FBXL17: variants seen among roughly 807,000 people sequenced by gnomAD.
FBXL17 encodes F-box and leucine rich repeat protein 17, also known as F-box/LRR-repeat protein 17.
In FBXL17, 22 loss-of-function variants were observed where a neutral mutation model predicts 66.2. The ratio of observed to expected loss-of-function variants is 0.33; its 90% confidence interval spans 0.24 to 0.47. The LOEUF is 0.47. Ranked by LOEUF, FBXL17 falls within the 20% of genes least tolerant of loss-of-function variation. The pLI, the probability that FBXL17 is intolerant of heterozygous loss-of-function variation, is 1.00. For missense variants in FBXL17, 878 were observed against 948.2 expected (o/e 0.93, Z 0.97); for synonymous variants, 474 against 400.5 (o/e 1.18, Z -2.19).
intron 6 of FBXL17, among the ~76,000 whole-genome samples, chr5:108,109,356 A>C (rs1369597262): frequency 6.6e-6 from 1 of 152,168 alleles, no homozygotes; most frequent in Non-Finnish European, 1.5e-5. Context: ...CAAGAAAGGA[A>C]CATCCTCATG....
chr5:108,244,452 TA>T (rs1290046287), intron 4 of FBXL17, among the ~76,000 whole-genome samples: 1 of 152,170 alleles, frequency 6.6e-6, no homozygotes, highest in Non-Finnish European at 1.5e-5. Context: ...GAAAATGAGA[TA>T]CCAACCTAAG....
chr5:108,378,350 T>A (rs1303718720), intron 1 of FBXL17, among the ~76,000 whole-genome samples: 1 of 152,204 alleles, frequency 6.6e-6, no homozygotes, highest in African/African-American at 2.4e-5. Context: ...TGTTTTGTTT[T>A]GTTTTGTTTT....
At chr5:108,269,725 G>A (rs1335926352) in intron 4 of FBXL17, among the ~76,000 whole-genome samples, 2 of 151,980 alleles carry the variant, frequency 1.3e-5, no homozygotes, top group Non-Finnish European at 2.9e-5. Context: ...TTCCAAAGAA[G>A]AGAACCATGT....
intron 7 of FBXL17, among the ~76,000 whole-genome samples, chr5:107,949,432 C>A (rs1267387161): frequency 6.6e-6 from 1 of 152,112 alleles, no homozygotes; most frequent in Non-Finnish European, 1.5e-5. Context: ...AGTAGATAGA[C>A]AAGATATTTC....
chr5:108,350,573 G>A (rs1580868039), intron 3 of FBXL17, among the ~76,000 whole-genome samples: 1 of 152,118 alleles, frequency 6.6e-6, no homozygotes, highest in East Asian at 1.9e-4. Context: ...TCAGAAACAG[G>A]AGTTTAAAGA....
intron 6 of FBXL17, among the ~76,000 whole-genome samples, chr5:108,115,400 A>G (rs1750208658): frequency 6.6e-6 from 1 of 152,156 alleles, no homozygotes; most frequent in African/African-American, 2.4e-5. Context: ...TCACGCTATC[A>G]TATATATAAA....
chr5:107,883,485 C>A (rs969373067), intron 7 of FBXL17, among the ~76,000 whole-genome samples: 1 of 151,922 alleles, frequency 6.6e-6, no homozygotes, highest in African/African-American at 2.4e-5. Context: ...GTGGGTGCGA[C>A]GTGGGGTAGA....
At chr5:107,891,139 C>T (rs920302711) in intron 7 of FBXL17, among the ~76,000 whole-genome samples, 4 of 152,026 alleles carry the variant, frequency 2.6e-5, no homozygotes, top group African/African-American at 7.2e-5. Context: ...AAACCTGAAA[C>T]GGTGGGGGAG....
intron 4 of FBXL17, among the ~76,000 whole-genome samples, chr5:108,347,223 G>C (rs1747339551): frequency 6.6e-6 from 1 of 152,130 alleles, no homozygotes; most frequent in Admixed American, 6.5e-5. Context: ...AAGCTGAACA[G>C]CATGTCACTG....
At chr5:108,281,748 G>T (rs1025125441) in intron 4 of FBXL17, among the ~76,000 whole-genome samples, 5 of 151,708 alleles carry the variant, frequency 3.3e-5, no homozygotes, top group South Asian at 4.1e-4. Flanking sequence ...CAAAAAGTTG[G>T]TTTTTCAAAA....
rs534884315 is a variant in FBXL17, at chr5:107,926,944, G to T, written c.1823-45765C>A. Among the ~76,000 whole-genome samples the T allele has an allele frequency of 2.0e-4, 30 of 151,880 alleles. No homozygotes were observed. The South Asian group carries it at 6.3e-3, about 32-fold the overall frequency. On this transcript the variant is annotated intron_variant, in intron 7 of 8. Transcript: ENST00000542267. The stretch of plus-strand genomic sequence containing the variant: ...AAAGACAAAGCACAATAAAATTACC[G>T]GTTAAACATTTAAATGAAAATAAAG...
chr5:108,195,359 G>A (rs988412651), intron 5 of FBXL17, among the ~76,000 whole-genome samples: 1 of 152,094 alleles, frequency 6.6e-6, no homozygotes, highest in African/African-American at 2.4e-5. Context: ...ACAAAGCCAG[G>A]CTGATATCTG....
At chr5:108,166,912 G>A (rs909631417) in intron 6 of FBXL17, among the ~76,000 whole-genome samples, 5 of 152,274 alleles carry the variant, frequency 3.3e-5, no homozygotes, top group Admixed American at 6.5e-5. Context: ...ATGTGTAGGT[G>A]CAGATAATGT....
At chr5:108,205,237 C>T (rs1754068740) in intron 5 of FBXL17, among the ~76,000 whole-genome samples, 1 of 152,056 alleles carries the variant, frequency 6.6e-6, no homozygotes, top group Admixed American at 6.6e-5. Flanking sequence ...TTTTTGTTTC[C>T]TTTATTGGCC....
At chr5:108,024,307 C>T (rs1452415488) in intron 6 of FBXL17, among the ~76,000 whole-genome samples, 5 of 152,086 alleles carry the variant, frequency 3.3e-5, no homozygotes, top group Admixed American at 6.6e-5. Context: ...TAAAGTAGCT[C>T]ATGAATGTCA....
chr5:108,155,565 G>C (rs1751963487), intron 6 of FBXL17, among the ~76,000 whole-genome samples: 1 of 152,104 alleles, frequency 6.6e-6, no homozygotes, highest in Non-Finnish European at 1.5e-5. Context: ...CCCCCAAGTA[G>C]CTAGGAGGGG....
intron 5 of FBXL17, among the ~76,000 whole-genome samples, chr5:108,198,792 G>A (rs1753778332): frequency 6.6e-6 from 1 of 152,118 alleles, no homozygotes; most frequent in Non-Finnish European, 1.5e-5. Context: ...GTTATAAGCT[G>A]GAAGTGAATG....
chr5:108,350,333 T>C (rs1162507225), intron 3 of FBXL17, among the ~76,000 whole-genome samples: 2 of 152,154 alleles, frequency 1.3e-5, no homozygotes, highest in African/African-American at 2.4e-5. Context: ...GAGCAAAACG[T>C]AGGGTTTTTG....
intron 6 of FBXL17, among the ~76,000 whole-genome samples, chr5:108,031,698 A>G (rs1317265596): frequency 6.6e-6 from 1 of 152,206 alleles, no homozygotes; most frequent in African/African-American, 2.4e-5. Context: ...ATCAGAAAGT[A>G]TCATTGTACA....
Sources: gnomAD v4.1 joint callset for allele counts (sites outside exome capture counted in the v4.1 genomes callset) on GRCh38, gnomAD v4.1.1 for gene constraint, MANE v1.5 for transcripts, NCBI Gene and HGNC (gene_info 2026-07-23, HGNC 2026-07-21) for gene names.